POLB: variants seen among roughly 807,000 people sequenced by gnomAD.
POLB encodes DNA polymerase beta.
A neutral mutation model predicts 52.7 loss-of-function variants in POLB; 37 were observed. The observed-to-expected ratio is 0.70, with a 90% CI of 0.54 to 0.92. The LOEUF is 0.92. Among genes scored for constraint, POLB ranks in the 40% least tolerant of loss-of-function variants. POLB has a pLI of 0.00. For synonymous variants in POLB, 138 were observed against 131.3 expected, an observed-to-expected ratio of 1.05 and a Z score of -0.35; for missense variants, 313 against 400.8, an observed-to-expected ratio of 0.78 and a Z score of 1.87.
intron 2 of POLB, among the ~76,000 whole-genome samples, chr8:42,344,384 G>A (rs1319552370): frequency 2.0e-5 from 3 of 151,316 alleles, no homozygotes; most frequent in Non-Finnish European, 4.4e-5. Context: ...CAGGAGAATC[G>A]CTTGAACCCC....
intron 4 of POLB, 85 bp downstream of exon 4, chr8:42,349,175 C>A: frequency 1.4e-6 from 1 of 734,482 alleles, no homozygotes; most frequent in South Asian, 1.7e-5. Context: ...TGACCAATGT[C>A]ATTCACTGTA....
Position 42,349,051 on chromosome 8 carries a change from T to C in POLB, c.222T>C (p.Asp74=), listed in dbSNP as rs1476448246. 6.2e-6 allele frequency: 10 copies of C among 1,606,564 alleles called. No homozygotes were observed. The highest frequency in any genetic ancestry group is 4.0e-5 in the African/African-American group (3 of 74,754). The change falls in exon 4 of 14, where the codon GAT becomes GAC. Residue 74 remains aspartate (D), a synonymous_variant. Coordinates refer to ENST00000265421, the MANE Select transcript of POLB (RefSeq NM_002690.3). The part of the protein sequence containing the change: ...GVGTKIAEKI[D]EFLATGKLRK... ...GAACAAAAATTGCTGAAAAGATTGATGAGTTTTTAGCAACTGGAAAATTAC... is the reference window on the plus strand; with the variant it reads ...GAACAAAAATTGCTGAAAAGATTGACGAGTTTTTAGCAACTGGAAAATTAC...
At chr8:42,348,977 A>G (rs1822800032) in intron 3 of POLB, 39 bp from the exon 4 acceptor site, 2 of 1,117,500 alleles carry the variant, frequency 1.8e-6, no homozygotes, top group Admixed American at 1.9e-5. Context: ...GGTAAGCATT[A>G]TATTCATATG....
intron 8 of POLB, 42 bp from the exon 9 acceptor site, chr8:42,357,278 A>G: frequency 1.4e-6 from 2 of 1,438,126 alleles, no homozygotes; most frequent in Non-Finnish European, 2.0e-6. Context: ...CACTTGGTGA[A>G]AAGCCATTTT....
intron 9 of POLB, 88 bp from the exon 10 acceptor site, chr8:42,361,207 G>A: frequency 1.2e-6 from 1 of 864,570 alleles, no homozygotes. Flanking sequence ...TAAGAAGTAA[G>A]GCTCTTCTGT....
chr8:42,343,766 A>C (rs183942591), intron 2 of POLB, among the ~76,000 whole-genome samples: 1 of 152,284 alleles, frequency 6.6e-6, no homozygotes, highest in East Asian at 1.9e-4. Flanking sequence ...TACTCAGTAC[A>C]AATCATACTC....
intron 10 of POLB, 183 bp downstream of exon 10, chr8:42,361,548 C>A (rs1225809301): frequency 1.7e-6 from 1 of 584,228 alleles, no homozygotes. Flanking sequence ...TATTATTCTT[C>A]CATGAGTTGC....
intron 10 of POLB, among the ~76,000 whole-genome samples, chr8:42,362,025 G>A (rs189711042): frequency 2.0e-5 from 3 of 152,314 alleles, no homozygotes; most frequent in Admixed American, 6.5e-5. Flanking sequence ...CACTTTGGGA[G>A]GCCAAGGCAG....
intron 7 of POLB, 72 bp downstream of exon 7, chr8:42,355,639 C>A: frequency 2.3e-6 from 2 of 866,278 alleles, no homozygotes; most frequent in Non-Finnish European, 3.9e-6. Context: ...TTTTATACAC[C>A]AGAAGGACTC....
At chr8:42,366,811 A>C (rs2130854932) in intron 11 of POLB, among the ~76,000 whole-genome samples, 1 of 152,378 alleles carries the variant, frequency 6.6e-6, no homozygotes, top group East Asian at 1.9e-4. Flanking sequence ...CTACGTCAGA[A>C]GACCGTTATG....
At chr8:42,343,805 T>C (rs560835725) in intron 2 of POLB, among the ~76,000 whole-genome samples, 1 of 152,246 alleles carries the variant, frequency 6.6e-6, no homozygotes, top group East Asian at 1.9e-4. Flanking sequence ...AATTCAGTTA[T>C]TCTCAAATGT....
At chr8:42,347,258 C>T (rs1343886328) in intron 3 of POLB, among the ~76,000 whole-genome samples, 1 of 149,946 alleles carries the variant, frequency 6.7e-6, no homozygotes, top group African/African-American at 2.4e-5. Flanking sequence ...TGGAATTACT[C>T]CTCAGTAATT....
chr8:42,357,255 G>T, intron 8 of POLB, 32 bp downstream of exon 8: 2 of 1,454,088 alleles, frequency 1.4e-6, no homozygotes, highest in Non-Finnish European at 1.9e-6. Context: ...TCTTTGATTA[G>T]AATTGAGAGT....
rs193279643 is a variant in POLB at position 42,356,041 on chromosome 8, G to A, written c.422+474G>A. Among the ~76,000 whole-genome samples, 93 of 152,192 alleles carry A rather than the reference G, an allele frequency of 6.1e-4. 2 individuals carry two copies. The South Asian group carries it at 0.019, about 31-fold the overall frequency. On this transcript the variant is annotated intron_variant, in intron 7 of 13. Coordinates refer to ENST00000265421, the MANE Select transcript of POLB (RefSeq NM_002690.3). Reference sequence around the variant, plus strand: ...ATAACCATATAGGAATAACTACTAGGCATGTTTCTATATCAGCATCAATAA... The same window carrying A: ...ATAACCATATAGGAATAACTACTAGACATGTTTCTATATCAGCATCAATAA...
intron 5 of POLB, among the ~76,000 whole-genome samples, chr8:42,350,912 C>G (rs1354310184): frequency 6.6e-6 from 1 of 150,562 alleles, no homozygotes; most frequent in East Asian, 1.9e-4. Flanking sequence ...ATTCTGCTAT[C>G]TAGGCTAGAG....
intron 7 of POLB, among the ~76,000 whole-genome samples, chr8:42,356,507 GCA>G (rs757645818): frequency 1.4e-4 from 21 of 152,170 alleles, no homozygotes; most frequent in Non-Finnish European, 2.5e-4. Flanking sequence ...ACAGAGTTGT[GCA>G]CAGTGTAGGA....
chr8:42,371,342 C>G (rs1824378367), intron 13 of POLB, among the ~76,000 whole-genome samples: 6 of 152,074 alleles, frequency 3.9e-5, no homozygotes. Flanking sequence ...AGGCTGGTCT[C>G]AAACTCCTGA....
chr8:42,354,467 T>A, intron 6 of POLB: 1 of 1,284,318 alleles, frequency 7.8e-7, no homozygotes, highest in Non-Finnish European at 1.0e-6. Context: ...TGGAACTGAG[T>A]CACTTTTAGA....
Position 42,371,775 on chromosome 8 carries a change from T to G in POLB, c.*118T>G. 1.5e-6 allele frequency: 1 copy of G among 660,384 alleles called. No homozygotes were observed. Among genetic ancestry groups the G allele is most frequent in the Non-Finnish European group, 2.8e-6 (1 of 356,666 alleles). 40.9% of individuals were successfully genotyped at this position (660,384 alleles called of 1,614,324 possible). On this transcript the variant is annotated 3_prime_UTR_variant, in exon 14 of 14. Transcript: ENST00000265421. Reference sequence around the variant, plus strand: ...ATTGTTTCTTCTTCATGCTTTTGCTTGCAATGTAGTCAATAAAACCTCATG... The same window carrying G: ...ATTGTTTCTTCTTCATGCTTTTGCTGGCAATGTAGTCAATAAAACCTCATG...
Sources: gnomAD v4.1 joint callset for allele counts (sites outside exome capture counted in the v4.1 genomes callset) on GRCh38, gnomAD v4.1.1 for gene constraint, MANE v1.5 for transcripts, NCBI Gene and HGNC (gene_info 2026-07-23, HGNC 2026-07-21) for gene names.